LATS2: variants seen among roughly 807,000 people sequenced by gnomAD.
LATS2 encodes large tumor suppressor kinase 2.
In LATS2, 24 loss-of-function variants were observed where a neutral mutation model predicts 76.0. The ratio of observed to expected loss-of-function variants is 0.32; its 90% CI spans 0.23 to 0.44. The LOEUF (loss-of-function observed/expected upper bound fraction) is 0.44, where lower values mean the gene tolerates loss of function less well. LATS2 is among the 20% of genes least tolerant of loss of function. The probability of loss-of-function intolerance (pLI) is 1.00; values close to 1 mark genes in which losing one functional copy is unlikely to be tolerated. For missense variants in LATS2, 1,286 were observed against 1,481.2 expected, an observed-to-expected ratio of 0.87 and a Z score of 2.16; for synonymous variants, 692 against 635.4, an observed-to-expected ratio of 1.09 and a Z score of -1.34.
chr13:21,000,698 C>T (rs1222481156), intron 2 of LATS2, among the ~76,000 whole-genome samples: 1 of 152,128 alleles, frequency 6.6e-6, no homozygotes, highest in Non-Finnish European at 1.5e-5. Flanking sequence ...CCTTAGAATA[C>T]ACTTACCACA....
chr13:21,017,625 C>CTTTTTT (rs11304766), intron 2 of LATS2, among the ~76,000 whole-genome samples: 1 of 142,230 alleles, frequency 7.0e-6, no homozygotes. Flanking sequence ...TCATTTCTTT[C>CTTTTTT]TTTTTTTTTT....
At chr13:20,989,444 C>T in intron 3 of LATS2, 140 bp from the exon 4 acceptor site, 1 of 848,422 alleles carries the variant, frequency 1.2e-6, no homozygotes, top group East Asian at 2.6e-5. Context: ...TGCATTCTGC[C>T]CAGCACAGGG....
intron 2 of LATS2, among the ~76,000 whole-genome samples, chr13:21,019,358 C>T (rs1277782018): frequency 6.7e-6 from 1 of 149,196 alleles, no homozygotes; most frequent in Non-Finnish European, 1.5e-5. Context: ...CAGAGTTTCA[C>T]TCTTGTAGCC....
At chr13:21,010,785 C>G (rs1871562763) in intron 2 of LATS2, among the ~76,000 whole-genome samples, 1 of 152,208 alleles carries the variant, frequency 6.6e-6, no homozygotes, top group African/African-American at 2.4e-5. Flanking sequence ...CTGCCTGTTC[C>G]TGTTTACCCT....
At chr13:21,040,392 G>GAAAAAAAA (rs1263393826) in intron 2 of LATS2, among the ~76,000 whole-genome samples, 1 of 145,828 alleles carries the variant, frequency 6.9e-6, no homozygotes, top group Admixed American at 6.8e-5. Context: ...AAAAAAAAAA[G>GAAAAAAAA]AAAGAAAAAG....
At chr13:21,000,023 CAAAG>C (rs1870972630) in intron 2 of LATS2, among the ~76,000 whole-genome samples, 1 of 151,948 alleles carries the variant, frequency 6.6e-6, no homozygotes, top group Non-Finnish European at 1.5e-5. Context: ...CAAAACAAAA[CAAAG>C]AAACACTGAT....
intron 2 of LATS2, among the ~76,000 whole-genome samples, chr13:21,030,318 G>A (rs1183690945): frequency 1.4e-4 from 21 of 150,814 alleles, no homozygotes; most frequent in African/African-American, 4.1e-4. Context: ...GGCCGGGCGT[G>A]GTGGCTCACA....
At chr13:20,998,850 G>A (rs1870894450) in intron 2 of LATS2, among the ~76,000 whole-genome samples, 1 of 152,138 alleles carries the variant, frequency 6.6e-6, no homozygotes, top group Non-Finnish European at 1.5e-5. Context: ...CCGGGTGGGG[G>A]CCCTGCGACA....
At chr13:21,017,139 C>T (rs1006069604) in intron 2 of LATS2, among the ~76,000 whole-genome samples, 3 of 152,182 alleles carry the variant, frequency 2.0e-5, no homozygotes, top group South Asian at 2.1e-4. Flanking sequence ...ATGAACAAAG[C>T]GCCTGGCACT....
At chr13:21,018,975 T>G (rs1406477609) in intron 2 of LATS2, among the ~76,000 whole-genome samples, 2 of 152,086 alleles carry the variant, frequency 1.3e-5, no homozygotes, top group Admixed American at 1.3e-4. Context: ...TAATTTTCCT[T>G]TCTACTTTTC....
At chr13:21,052,126 C>T (rs1223415402) in intron 1 of LATS2, among the ~76,000 whole-genome samples, 2 of 152,160 alleles carry the variant, frequency 1.3e-5, no homozygotes, top group East Asian at 1.9e-4. Context: ...GTCTAACACC[C>T]GCTACTGTCT....
chr13:20,998,561 G>A (rs995375350), intron 2 of LATS2, among the ~76,000 whole-genome samples: 2 of 152,146 alleles, frequency 1.3e-5, no homozygotes, highest in African/African-American at 4.8e-5. Flanking sequence ...GAGAACACAG[G>A]AGCCGAGGAG....
At position 20,974,803 on chromosome 13, in the gene LATS2, T is replaced by C. The variant is rs1869516368; in HGVS notation, c.*67A>G. The C allele has an allele frequency of 6.6e-7, 1 of 1,508,140 alleles. No individual in the cohort carries two copies. The highest frequency in any genetic ancestry group is 8.9e-7 in the Non-Finnish European group (1 of 1,121,376). The allele number at this position is 1,508,140 out of a possible 1,614,324, so 93.4% of individuals were successfully genotyped here. A position where few individuals can be genotyped will look rare whatever the true frequency, so the allele number is the denominator to read the frequency against. On this transcript the variant is annotated 3_prime_UTR_variant, in exon 8 of 8. Transcript: ENST00000382592. ...ACAGCCCTCGGCTTCCCTATTGGCC[T>C]GTGAGGGCACCGGCTCCGGGACCCT...
At chr13:21,053,345 C>G (rs1235724432) in intron 1 of LATS2, among the ~76,000 whole-genome samples, 1 of 152,052 alleles carries the variant, frequency 6.6e-6, no homozygotes, top group Non-Finnish European at 1.5e-5. Flanking sequence ...CCTGACCTCC[C>G]CAATCTAAGG....
chr13:21,040,719 G>A (rs1439546945), intron 2 of LATS2, among the ~76,000 whole-genome samples: 3 of 152,158 alleles, frequency 2.0e-5, no homozygotes, highest in Non-Finnish European at 2.9e-5. Flanking sequence ...GCCAAGGTGG[G>A]AGTCAGGCTG....
At chr13:21,026,241 C>T (rs1872307443) in intron 2 of LATS2, among the ~76,000 whole-genome samples, 1 of 152,134 alleles carries the variant, frequency 6.6e-6, no homozygotes, top group African/African-American at 2.4e-5. Flanking sequence ...CATCAATCCC[C>T]AAATTTTCTT....
intron 3 of LATS2, among the ~76,000 whole-genome samples, chr13:20,990,916 C>T (rs1369981562): frequency 6.6e-6 from 1 of 152,244 alleles, no homozygotes; most frequent in Non-Finnish European, 1.5e-5. Context: ...AAGATCCCTC[C>T]ACAGGCCCAA....
chr13:21,007,700 G>GTATATA (rs1185329581), intron 2 of LATS2, among the ~76,000 whole-genome samples: 1 of 1,700 alleles, frequency 5.9e-4, no homozygotes, highest in Admixed American at 0.016. Flanking sequence ...TATATATATA[G>GTATATA]TATGTATATA....
intron 2 of LATS2, among the ~76,000 whole-genome samples, chr13:21,030,128 A>G (rs1872464472): frequency 6.6e-6 from 1 of 151,956 alleles, no homozygotes. Flanking sequence ...ACTTCAAAAA[A>G]AAAAAGGAAA....
Sources: allele counts gnomAD v4.1 joint callset (sites outside exome capture counted in the v4.1 genomes callset), GRCh38; gene constraint gnomAD v4.1.1; transcripts MANE v1.5; gene names NCBI Gene and HGNC (gene_info 2026-07-23, HGNC 2026-07-21).